KCNC2: variants seen among roughly 807,000 people sequenced by gnomAD.
KCNC2 encodes the protein potassium voltage-gated channel subfamily C member 2, also known as voltage-gated potassium channel KCNC2.
Under a neutral mutation model 44.5 loss-of-function variants are expected in KCNC2, and 21 were observed. The observed-to-expected ratio is 0.47, with a 90% confidence interval of 0.33 to 0.68. The LOEUF is 0.68. Ranked by LOEUF, KCNC2 falls within the 30% of genes least tolerant of loss-of-function variation. The pLI is 0.01. For synonymous variants in KCNC2, 391 were observed against 339.1 expected, an observed-to-expected ratio of 1.15 and a Z score of -1.68; for missense variants, 589 against 826.2, an observed-to-expected ratio of 0.71 and a Z score of 3.52.
chr12:75,110,384 G>A (rs1592893000), intron 2 of KCNC2, among the ~76,000 whole-genome samples: 3 of 152,256 alleles, frequency 2.0e-5, no homozygotes, highest in Middle Eastern at 3.4e-3. Flanking sequence ...AATATTGACA[G>A]AACATTGAGA....
intron 2 of KCNC2, among the ~76,000 whole-genome samples, chr12:75,203,389 C>T (rs1393498039): frequency 1.3e-5 from 2 of 151,664 alleles, no homozygotes; most frequent in African/African-American, 4.8e-5. Flanking sequence ...TAGAAGTAAT[C>T]TATAATGCTA....
intron 4 of KCNC2, among the ~76,000 whole-genome samples, chr12:75,044,278 T>C (rs1484718645): frequency 6.6e-6 from 1 of 151,990 alleles, no homozygotes; most frequent in Non-Finnish European, 1.5e-5. Flanking sequence ...TGACAGCTTC[T>C]TGAAAAATTG....
intron 2 of KCNC2, among the ~76,000 whole-genome samples, chr12:75,075,266 AC>A (rs1883817913): frequency 6.6e-6 from 1 of 151,736 alleles, no homozygotes; most frequent in Non-Finnish European, 1.5e-5. Flanking sequence ...ATTTATCATA[AC>A]TCAGATCCCA....
intron 2 of KCNC2, among the ~76,000 whole-genome samples, chr12:75,142,511 C>G (rs1889726328): frequency 6.6e-6 from 1 of 152,166 alleles, no homozygotes; most frequent in Non-Finnish European, 1.5e-5. Context: ...GCCTGCAAGA[C>G]TTAGTGGCTT....
At chr12:75,116,962 C>T (rs1887702651) in intron 2 of KCNC2, among the ~76,000 whole-genome samples, 1 of 152,188 alleles carries the variant, frequency 6.6e-6, no homozygotes, top group Non-Finnish European at 1.5e-5. Context: ...CATAAGAAAG[C>T]TTCCCTTACA....
chr12:75,078,911 G>A (rs929748694), intron 2 of KCNC2, among the ~76,000 whole-genome samples: 2 of 152,022 alleles, frequency 1.3e-5, no homozygotes, highest in African/African-American at 2.4e-5. Flanking sequence ...CTTTAATTAC[G>A]GTAGGATAAA....
At chr12:75,134,580 A>G (rs1024861667) in intron 2 of KCNC2, among the ~76,000 whole-genome samples, 2 of 151,508 alleles carry the variant, frequency 1.3e-5, no homozygotes, top group African/African-American at 2.4e-5. Context: ...CCACAGACCT[A>G]CCAAAAAAAA....
intron 2 of KCNC2, among the ~76,000 whole-genome samples, chr12:75,055,659 A>G (rs1432479730): frequency 6.6e-6 from 1 of 152,050 alleles, no homozygotes; most frequent in African/African-American, 2.4e-5. Context: ...TTGGCTTGTG[A>G]GTCTAATCAG....
At chr12:75,065,666 G>T (rs994151423) in intron 2 of KCNC2, among the ~76,000 whole-genome samples, 3 of 152,000 alleles carry the variant, frequency 2.0e-5, no homozygotes, top group African/African-American at 7.2e-5. Context: ...AAAGGATTAG[G>T]CTAGACCATA....
intron 2 of KCNC2, among the ~76,000 whole-genome samples, chr12:75,062,271 GAA>G (rs1882419913): frequency 6.6e-6 from 1 of 151,884 alleles, no homozygotes; most frequent in African/African-American, 2.4e-5. Context: ...GAAAGACTCA[GAA>G]AAGAAAAGCT....
intron 2 of KCNC2, among the ~76,000 whole-genome samples, chr12:75,085,283 A>G (rs1884903616): frequency 6.6e-6 from 1 of 152,000 alleles, no homozygotes; most frequent in Admixed American, 6.6e-5. Context: ...CTTGTATCAG[A>G]GCATCCTTTC....
At chr12:75,180,754 T>C (rs1892518230) in intron 2 of KCNC2, among the ~76,000 whole-genome samples, 1 of 151,974 alleles carries the variant, frequency 6.6e-6, no homozygotes, top group African/African-American at 2.4e-5. Flanking sequence ...TTAATAGCTT[T>C]TAGAAAGAAT....
intron 2 of KCNC2, among the ~76,000 whole-genome samples, chr12:75,205,294 A>G (rs1168572306): frequency 2.6e-5 from 4 of 152,266 alleles, no homozygotes; most frequent in East Asian, 3.9e-4. Flanking sequence ...AAGGGTCTTG[A>G]CTAAACGTGA....
intron 2 of KCNC2, among the ~76,000 whole-genome samples, chr12:75,164,897 G>T (rs142071893): frequency 3.3e-5 from 5 of 151,620 alleles, no homozygotes; most frequent in African/African-American, 1.2e-4. Flanking sequence ...AACAAAATCT[G>T]TCAATTTTCC....
intron 2 of KCNC2, among the ~76,000 whole-genome samples, chr12:75,137,611 G>A (rs1023072260): frequency 2.0e-5 from 3 of 152,128 alleles, no homozygotes; most frequent in Non-Finnish European, 2.9e-5. Context: ...AATTATGCAT[G>A]TGCATTGTCT....
At chr12:75,086,197 G>A (rs1884978551) in intron 2 of KCNC2, among the ~76,000 whole-genome samples, 1 of 151,970 alleles carries the variant, frequency 6.6e-6, no homozygotes. Context: ...AAACCACTTG[G>A]AAGGGCTTTC....
At chr12:75,139,498 T>C (rs753263555) in intron 2 of KCNC2, among the ~76,000 whole-genome samples, 3 of 152,218 alleles carry the variant, frequency 2.0e-5, no homozygotes, top group Non-Finnish European at 2.9e-5. Context: ...CGTTTGAGGA[T>C]GAAATTTTCT....
At chr12:75,125,017 A>G (rs1888312464) in intron 2 of KCNC2, 1 of 152,122 alleles carries the variant, frequency 6.6e-6, no homozygotes. Context: ...GAAGCAGGAG[A>G]ATGGCGTGAA....
intron 2 of KCNC2, among the ~76,000 whole-genome samples, chr12:75,103,797 A>G (rs557178772): frequency 6.6e-6 from 1 of 152,330 alleles, no homozygotes; most frequent in East Asian, 1.9e-4. Context: ...AGACACAGTA[A>G]GAGATTAACA....
Sources: allele counts gnomAD v4.1 joint callset (sites outside exome capture counted in the v4.1 genomes callset), GRCh38; gene constraint gnomAD v4.1.1; transcripts MANE v1.5; gene names NCBI Gene and HGNC (gene_info 2026-07-23, HGNC 2026-07-21).